Variants in SRPX observed in about 807,000 individuals in gnomAD.
The protein encoded by SRPX is sushi repeat-containing protein SRPX.
SRPX carries 24 observed loss-of-function variants against 38.1 expected under a neutral mutation model. The observed-to-expected ratio is 0.63, with a 90% CI of 0.46 to 0.89. The LOEUF (loss-of-function observed/expected upper bound fraction) is 0.89. Ranked by LOEUF, SRPX falls within the 40% of genes least tolerant of loss-of-function variation. The pLI is 0.00. For synonymous variants in SRPX, 184 were observed against 153.8 expected, an observed-to-expected ratio of 1.20 and a Z score of -1.45; for missense variants, 416 against 377.8, an observed-to-expected ratio of 1.10 and a Z score of -0.84.
At chrX:38,191,950 T>C (rs1486637340) in intron 1 of SRPX, among the ~76,000 whole-genome samples, 1 of 112,307 alleles carries the variant, frequency 8.9e-6, no homozygotes, top group Non-Finnish European at 1.9e-5. Flanking sequence ...CACTAGTTTT[T>C]TACAGGGTTC....
intron 1 of SRPX, among the ~76,000 whole-genome samples, chrX:38,200,190 T>C (rs1277346797): frequency 8.9e-6 from 1 of 112,218 alleles, no homozygotes; most frequent in African/African-American, 3.2e-5. Context: ...TTGTCTCTAC[T>C]GGGAAATAAG....
At chrX:38,216,540 A>G (rs1939424743) in intron 1 of SRPX, among the ~76,000 whole-genome samples, 1 of 112,707 alleles carries the variant, frequency 8.9e-6, no homozygotes, top group Admixed American at 9.4e-5. Context: ...CAGTTAAGAC[A>G]TCACACAGTC....
Position 38,174,140 on chromosome X carries a change from C to A in SRPX, c.349+20G>T, listed in dbSNP as rs1171230935. 2 of 1,029,729 alleles carry A rather than the reference C, an allele frequency of 1.9e-6. No individual in the cohort carries two copies. Among genetic ancestry groups the A allele is most frequent in the Non-Finnish European group, 2.5e-6 (2 of 800,233 alleles). 84.9% of individuals were successfully genotyped at this position (1,029,729 alleles called of 1,213,427 possible). Reference sequence around the variant, plus strand: ...GCTCTGGTCATCCCTGAGGACCCAACACAGAGCTGGCCTACTCACGTTTGC... The same window carrying A: ...GCTCTGGTCATCCCTGAGGACCCAAAACAGAGCTGGCCTACTCACGTTTGC... On this transcript the variant is annotated intron_variant, in intron 3 of 9. Coordinates refer to ENST00000378533, the MANE Select transcript of SRPX (RefSeq NM_006307.5).
At chrX:38,206,133 C>A (rs759228334) in intron 1 of SRPX, among the ~76,000 whole-genome samples, 47 of 112,843 alleles carry the variant, frequency 4.2e-4, no homozygotes, top group African/African-American at 1.4e-3. Flanking sequence ...GCATGTAATG[C>A]CAGCTTCCTG....
chrX:38,159,206 G>A (rs1393083723), intron 7 of SRPX, among the ~76,000 whole-genome samples: 3 of 111,791 alleles, frequency 2.7e-5, no homozygotes, highest in Non-Finnish European at 3.8e-5. Flanking sequence ...TGGGCATGAA[G>A]TCCTTAGGTA....
chrX:38,189,659 A>C (rs993541620), intron 1 of SRPX, among the ~76,000 whole-genome samples: 3 of 111,842 alleles, frequency 2.7e-5, no homozygotes, highest in African/African-American at 9.8e-5. Context: ...TTGTGTTTAA[A>C]GCTATTTCAA....
chrX:38,156,352 G>A (rs34298690), intron 8 of SRPX, among the ~76,000 whole-genome samples: 1 of 111,774 alleles, frequency 8.9e-6, no homozygotes, highest in Non-Finnish European at 1.9e-5. Flanking sequence ...AGAGTGCTTA[G>A]GAATCACCTG....
chrX:38,154,646 A>C, intron 8 of SRPX, 63 bp from the exon 9 acceptor site: 1 of 1,172,919 alleles, frequency 8.5e-7, no homozygotes, highest in African/African-American at 1.8e-5. Context: ...TCCTTATCAA[A>C]CTAGAAACCG....
In SRPX at chrX:38,149,583, G is replaced by A; in HGVS notation, c.*128C>T. 3 of 684,826 alleles carry A rather than the reference G, an allele frequency of 4.4e-6. No individual in the cohort carries two copies. Among genetic ancestry groups the A allele is most frequent in the Non-Finnish European group, 6.1e-6 (3 of 493,904 alleles). The allele number at this position is 684,826 out of a possible 1,213,427, so 56.4% of individuals were successfully genotyped here. ...ATGCTAATTTTTAAGTGCAAAGAAA[G>A]CTCATAATAAAATAGACTTTTAAAA... On this transcript the variant is annotated 3_prime_UTR_variant, in exon 10 of 10. Transcript: ENST00000378533.
At position 38,220,734 on chromosome X, in the gene SRPX, AGC is replaced by A; in HGVS notation, c.57_58del (p.Leu20AlafsTer23). Reference sequence around the variant, plus strand: ...GCTGGGCGGGACGCGCAGCAGCAGCAGCAGCAGCAGAGGCGGCAGCAGCAGCA... The same window carrying A: ...GCTGGGCGGGACGCGCAGCAGCAGCAAGCAGCAGAGGCGGCAGCAGCAGCA... On this transcript the variant is annotated frameshift_variant, in exon 1 of 10. Transcript: ENST00000378533. LOFTEE classifies it high-confidence loss of function. 2.6e-6 allele frequency: 3 copies of A among 1,163,816 alleles called. No individual in the cohort carries two copies. The highest frequency in any genetic ancestry group is 3.4e-6 in the Non-Finnish European group (3 of 875,701).
Position 38,161,017 on chromosome X carries a change from G to C in SRPX, c.691C>G (p.Pro231Ala), listed in dbSNP as rs1409556440. 1 of 1,208,364 alleles carries C rather than the reference G, an allele frequency of 8.3e-7. No individual in the cohort carries two copies. The highest frequency in any genetic ancestry group is 1.1e-6 in the Non-Finnish European group (1 of 894,657). ...LKGLPPGSNF[P>A]EGDHKIQYTV... The stretch of plus-strand genomic sequence containing the variant: ...TACTGGATCTTGTGGTCTCCTTCTG[G>C]AAAGTTGGAGCCTGGGGGGAGGCCT... The change falls in exon 6 of 10, where the codon CCA (proline) becomes GCA (alanine). Residue 231 changes from proline to alanine, a missense_variant. Transcript: ENST00000378533.
chrX:38,220,650 G>T lies in SRPX; in HGVS notation c.97+46C>A, dbSNP rs201891926. On this transcript the variant is annotated intron_variant, in intron 1 of 9. Transcript: ENST00000378533. ...GAAGGGTCCCAACGGCGACTCCGGG[G>T]GTCTTTGGTGCCCAGCTGAGGAGGC... is the stretch of plus-strand genomic sequence containing the variant. 6.0e-4 allele frequency: 708 copies of T among 1,182,534 alleles called. 2 individuals carry two copies. The African/African-American group carries it at 0.011, about 19-fold the overall frequency.
Position 38,174,283 on chromosome X carries a change from ATCCTCCTT to A in SRPX, c.218_225del (p.Gln73LeufsTer36). Reference sequence around the variant, plus strand: ...CTGGTTCCCAGGGCTGTTTTGTAGTATCCTCCTTGAGGGGCCCTGCAGTACACATCCCC... The same window carrying A: ...CTGGTTCCCAGGGCTGTTTTGTAGTAGAGGGGCCCTGCAGTACACATCCCC... On this transcript the variant is annotated frameshift_variant, in exon 3 of 10. Coordinates refer to ENST00000378533, the MANE Select transcript of SRPX (RefSeq NM_006307.5). LOFTEE classifies it high-confidence loss of function. 8.7e-7 allele frequency: 1 copy of A among 1,154,038 alleles called. No homozygotes were observed. Among genetic ancestry groups the A allele is most frequent in the South Asian group, 2.1e-5 (1 of 46,570 alleles).
chrX:38,153,938 C>T (rs1435371350), intron 9 of SRPX: 4 of 112,430 alleles, frequency 3.6e-5, no homozygotes, highest in African/African-American at 1.3e-4. Context: ...TTGGGTTATT[C>T]TGAAATTACC....
intron 2 of SRPX, 81 bp downstream of exon 2, chrX:38,178,204 T>C: frequency 1.3e-6 from 1 of 764,080 alleles, no homozygotes; most frequent in Non-Finnish European, 2.0e-6. Context: ...GGTCACTTTA[T>C]TACAATCTGT....
Position 38,220,679 on chromosome X carries a change from C to T in SRPX, c.97+17G>A, listed in dbSNP as rs377424978. 60 of 1,185,244 alleles carry T rather than the reference C, an allele frequency of 5.1e-5. No individual in the cohort carries two copies. The Admixed American group carries it at 1.3e-3, about 26-fold the overall frequency. On this transcript the variant is annotated intron_variant, in intron 1 of 9. Coordinates refer to ENST00000378533, the MANE Select transcript of SRPX (RefSeq NM_006307.5). ...TTTGGTGCCCAGCTGAGGAGGCAGCCACGCCTCCGATCCTACCTGGGAAGC... is the reference window on the plus strand; with the variant it reads ...TTTGGTGCCCAGCTGAGGAGGCAGCTACGCCTCCGATCCTACCTGGGAAGC...
At position 38,199,216 on chromosome X, in the gene SRPX, C is replaced by G. The variant is rs1285328827; in HGVS notation, c.98-20872G>C. Among the ~76,000 whole-genome samples the G allele has an allele frequency of 6.8e-5, 6 of 88,710 alleles. No homozygotes were observed. In the East Asian group the frequency reaches 2.1e-3, roughly 31 times the overall value. The allele number at this position is 88,710 out of a possible 115,157, so 77.0% of individuals were successfully genotyped here. ...GGTCAGGAGATCGAGACCATCCTGG[C>G]TAACACGGTGAAACCCCGTCTCTAC... On this transcript the variant is annotated intron_variant, in intron 1 of 9. Coordinates refer to ENST00000378533, the MANE Select transcript of SRPX (RefSeq NM_006307.5).
chrX:38,150,210 T>A (rs1458111794), intron 9 of SRPX, among the ~76,000 whole-genome samples: 1 of 112,324 alleles, frequency 8.9e-6, no homozygotes, highest in Non-Finnish European at 1.9e-5. Context: ...TAGATTATAG[T>A]CAGGAAGACT....
intron 5 of SRPX, 149 bp downstream of exon 5, chrX:38,164,620 T>C (rs1488717419): frequency 3.8e-6 from 2 of 526,437 alleles, no homozygotes; most frequent in Admixed American, 4.3e-5. Flanking sequence ...AACAAATACA[T>C]AGGTGACATA....
Sources: gnomAD v4.1 joint callset for allele counts (sites outside exome capture counted in the v4.1 genomes callset) on GRCh38, gnomAD v4.1.1 for gene constraint, MANE v1.5 for transcripts, NCBI Gene and HGNC (gene_info 2026-07-23, HGNC 2026-07-21) for gene names.